KLRG1: variants seen among roughly 807,000 people sequenced by gnomAD.
KLRG1 encodes killer cell lectin-like receptor subfamily G member 1.
Under a neutral mutation model 21.8 loss-of-function variants are expected in KLRG1, and 16 were observed. The observed-to-expected ratio is 0.73, with a 90% CI of 0.50 to 1.11. KLRG1 has a LOEUF of 1.11. KLRG1 is among the 50% of genes most tolerant of loss of function. The probability of loss-of-function intolerance (pLI) is 0.00; values close to 1 mark genes in which losing one functional copy is unlikely to be tolerated. For synonymous variants in KLRG1, 69 were observed against 75.9 expected (o/e 0.91, Z 0.47); for missense variants, 173 against 218.3 (o/e 0.79, Z 1.31).
the KLRG1 span, among the ~76,000 whole-genome samples, chr12:9,185,747 A>G: frequency 6.8e-6 from 1 of 146,938 alleles, no homozygotes; most frequent in African/African-American, 2.5e-5. Context: ...GCCTCTTAGC[A>G]GACACCCTAC....
At chr12:9,141,947 A>G in the KLRG1 span, among the ~76,000 whole-genome samples, 1 of 152,224 alleles carries the variant, frequency 6.6e-6, no homozygotes, top group Non-Finnish European at 1.5e-5. Flanking sequence ...ATGGCATTTT[A>G]TAAAGCATTC....
At chr12:9,101,322 A>G in the KLRG1 span, 4 of 1,369,748 alleles carry the variant, frequency 2.9e-6, no homozygotes, top group Non-Finnish European at 4.1e-6. Flanking sequence ...CTCAAGAGAA[A>G]TCAAACTTTC....
the KLRG1 span, among the ~76,000 whole-genome samples, chr12:9,023,294 C>T: frequency 6.6e-6 from 1 of 152,084 alleles, no homozygotes; most frequent in Non-Finnish European, 1.5e-5. Context: ...ACTGCAGAAT[C>T]GATTGCTTGC....
At chr12:8,985,936 G>A (rs1373179384), upstream of KLRG1, among the ~76,000 whole-genome samples, 1 of 152,200 alleles carries the variant, frequency 6.6e-6, no homozygotes, top group Non-Finnish European at 1.5e-5. Flanking sequence ...CAGAAAGGCA[G>A]GGGAAAATTA....
At chr12:9,153,017 A>G in the KLRG1 span, 4 of 1,610,638 alleles carry the variant, frequency 2.5e-6, no homozygotes, top group African/African-American at 1.3e-5. Flanking sequence ...CTCATTACTT[A>G]ACGTCTCCAG....
At chr12:9,115,852 T>C in the KLRG1 span, 1 of 1,612,648 alleles carries the variant, frequency 6.2e-7, no homozygotes, top group South Asian at 1.1e-5. Flanking sequence ...TTCCCCATGT[T>C]GCAGAAAGAA....
At chr12:9,044,736 G>GA in the KLRG1 span, among the ~76,000 whole-genome samples, 4 of 152,072 alleles carry the variant, frequency 2.6e-5, no homozygotes, top group East Asian at 3.8e-4. Flanking sequence ...GAACACAGGG[G>GA]AAATGAGACC....
At chr12:9,166,452 C>T in the KLRG1 span, among the ~76,000 whole-genome samples, 351 of 152,186 alleles carry the variant, frequency 2.3e-3, no homozygotes, top group Non-Finnish European at 2.9e-3. Context: ...GCTGGAAAAA[C>T]GAGATCACTT....
chr12:9,120,451 A>G, the KLRG1 span, among the ~76,000 whole-genome samples: 2 of 152,214 alleles, frequency 1.3e-5, no homozygotes, highest in African/African-American at 2.4e-5. Context: ...AATATTTGGG[A>G]AATGAGAGAA....
chr12:9,095,022 A>T, the KLRG1 span: 1 of 1,596,696 alleles, frequency 6.3e-7, no homozygotes, highest in African/African-American at 1.3e-5. Flanking sequence ...CATACTGTTG[A>T]AGCTGTGGAC....
the KLRG1 span, chr12:9,158,694 C>G: frequency 1.0e-6 from 1 of 963,500 alleles, no homozygotes; most frequent in Non-Finnish European, 1.4e-6. Flanking sequence ...TCAGCTGTTA[C>G]TGAGAGTTTG....
intron 1 of KLRG1, among the ~76,000 whole-genome samples, chr12:8,978,413 T>G (rs1207766546): frequency 1.3e-5 from 2 of 152,232 alleles, no homozygotes; most frequent in Non-Finnish European, 2.9e-5. Context: ...GGGATTCAAA[T>G]AATCCTACTG....
the KLRG1 span, among the ~76,000 whole-genome samples, chr12:9,173,933 A>G: frequency 6.6e-6 from 1 of 152,198 alleles, no homozygotes; most frequent in Admixed American, 6.5e-5. Flanking sequence ...TACTAAAACT[A>G]TTCCAAAAAT....
rs1341854757 is a variant in KLRG1, at chr12:9,010,128, G to A, written c.*591G>A. On this transcript the variant is annotated 3_prime_UTR_variant, in exon 5 of 5. Coordinates refer to ENST00000356986, the MANE Select transcript of KLRG1 (RefSeq NM_005810.4). ...TTGAGCCCAGGAGTTTGAGGCTGCAGTGAGCTATGATTGTGCCACTGTACT... is the reference window on the plus strand; with the variant it reads ...TTGAGCCCAGGAGTTTGAGGCTGCAATGAGCTATGATTGTGCCACTGTACT... The A allele has an allele frequency of 3.5e-6, 3 of 866,050 alleles. No individual in the cohort carries two copies. The highest frequency in any genetic ancestry group is 5.5e-6 in the Non-Finnish European group (3 of 547,638). The allele number at this position is 866,050 out of a possible 1,614,324, so 53.6% of individuals were successfully genotyped here.
At chr12:9,080,178 C>G in the KLRG1 span, 1 of 1,570,434 alleles carries the variant, frequency 6.4e-7, no homozygotes, top group Non-Finnish European at 8.7e-7. Context: ...ACCTCACCAC[C>G]TAGAGAAATA....
chr12:9,175,786 C>T, the KLRG1 span, among the ~76,000 whole-genome samples: 8 of 152,034 alleles, frequency 5.3e-5, no homozygotes, highest in African/African-American at 1.2e-4. Flanking sequence ...AGAATGGCTG[C>T]TGTTAAAAAG....
chr12:9,123,861 A>G, the KLRG1 span, among the ~76,000 whole-genome samples: 1 of 140,890 alleles, frequency 7.1e-6, no homozygotes, highest in Non-Finnish European at 1.5e-5. Context: ...TTTTTCGCGG[A>G]AAATGCAAGA....
chr12:9,072,329 G>C, the KLRG1 span: 1 of 1,611,094 alleles, frequency 6.2e-7, no homozygotes, highest in Non-Finnish European at 8.5e-7. Context: ...GTTATTCTTA[G>C]GATTAGGTGA....
the KLRG1 span, among the ~76,000 whole-genome samples, chr12:9,026,677 C>T: frequency 6.6e-6 from 1 of 151,840 alleles, no homozygotes; most frequent in Non-Finnish European, 1.5e-5. Flanking sequence ...GGGTTTTTTT[C>T]TTTTTTTCTT....
Sources: gnomAD v4.1 joint callset for allele counts (sites outside exome capture counted in the v4.1 genomes callset) on GRCh38, gnomAD v4.1.1 for gene constraint, MANE v1.5 for transcripts, NCBI Gene and HGNC (gene_info 2026-07-23, HGNC 2026-07-21) for gene names.